ZNRF3: variants seen among roughly 807,000 people sequenced by gnomAD.
ZNRF3 encodes zinc and ring finger 3.
In ZNRF3, 23 loss-of-function variants were observed where a neutral mutation model predicts 72.5. The ratio of observed to expected loss-of-function variants is 0.32; its 90% CI spans 0.23 to 0.45. The LOEUF is 0.45. ZNRF3 is among the 20% of genes least tolerant of loss of function. The probability of loss-of-function intolerance (pLI) is 1.00; values close to 1 mark genes in which losing one functional copy is unlikely to be tolerated. For synonymous variants in ZNRF3, 610 were observed against 545.3 expected, an observed-to-expected ratio of 1.12 and a Z score of -1.65; for missense variants, 1,169 against 1,272.1, an observed-to-expected ratio of 0.92 and a Z score of 1.23.
intron 1 of ZNRF3, among the ~76,000 whole-genome samples, chr22:28,939,065 G>A (rs191176373): frequency 4.6e-5 from 7 of 152,174 alleles, no homozygotes; most frequent in African/African-American, 7.2e-5. Flanking sequence ...CTAGCAGATC[G>A]CTTGAGGCCA....
rs188576936 is a variant in ZNRF3 at position 28,948,414 on chromosome 22, C to G, written c.301-38662C>G. Among the ~76,000 whole-genome samples the G allele has an allele frequency of 4.1e-4, 63 of 152,340 alleles. No homozygotes were observed. The East Asian group carries it at 0.012, about 29-fold the overall frequency. On this transcript the variant is annotated intron_variant, in intron 1 of 8. Coordinates refer to ENST00000544604, the MANE Select transcript of ZNRF3 (RefSeq NM_001206998.2). ...CTCTTGGCTTCAAGTGATCCTCCCACCTTGGCCTCCCAAAGTGCTGGGATT... is the reference window on the plus strand; with the variant it reads ...CTCTTGGCTTCAAGTGATCCTCCCAGCTTGGCCTCCCAAAGTGCTGGGATT...
chr22:29,027,501 G>C (rs2036662166), intron 2 of ZNRF3, among the ~76,000 whole-genome samples: 1 of 151,924 alleles, frequency 6.6e-6, no homozygotes, highest in African/African-American at 2.4e-5. Flanking sequence ...TGCCCGCCTC[G>C]GCCTCTTGAA....
In ZNRF3 at chr22:29,052,562, G is replaced by A. The variant is rs185825386; in HGVS notation, c.2768-1017G>A. ...ATGAAAATTAGCCGGGCGTGGTGGC[G>A]TGTGCCTGTAGTTCTACCTACTCGG... On this transcript the variant is annotated intron_variant, in intron 8 of 8. Coordinates refer to ENST00000544604, the MANE Select transcript of ZNRF3 (RefSeq NM_001206998.2). Among the ~76,000 whole-genome samples, 838 of 152,198 alleles carry A rather than the reference G, an allele frequency of 5.5e-3. 7 individuals carry two copies. Among genetic ancestry groups the A allele is most frequent in the African/African-American group, 0.019 (801 of 41,502 alleles).
chr22:29,041,221 C>T (rs1464818695), intron 2 of ZNRF3, among the ~76,000 whole-genome samples: 2 of 152,158 alleles, frequency 1.3e-5, no homozygotes, highest in Non-Finnish European at 2.9e-5. Context: ...AATCACAACC[C>T]AACCTCTACC....
At chr22:28,958,365 T>C (rs1361143876) in intron 1 of ZNRF3, among the ~76,000 whole-genome samples, 1 of 152,208 alleles carries the variant, frequency 6.6e-6, no homozygotes, top group Non-Finnish European at 1.5e-5. Context: ...TGGAGATGGA[T>C]AAAACAGTTG....
At chr22:28,987,783 G>GCC (rs2035882917) in intron 2 of ZNRF3, among the ~76,000 whole-genome samples, 1 of 151,976 alleles carries the variant, frequency 6.6e-6, no homozygotes, top group African/African-American at 2.4e-5. Context: ...TTGCTGCCAA[G>GCC]TAAGTTATGG....
At chr22:28,969,563 C>G (rs1163292723) in intron 1 of ZNRF3, among the ~76,000 whole-genome samples, 5 of 152,046 alleles carry the variant, frequency 3.3e-5, no homozygotes, top group Non-Finnish European at 7.4e-5. Context: ...GGAGGAACAG[C>G]AGGGAGGCCA....
intron 1 of ZNRF3, among the ~76,000 whole-genome samples, chr22:28,962,539 C>T (rs1219075932): frequency 6.6e-6 from 1 of 152,206 alleles, no homozygotes; most frequent in Non-Finnish European, 1.5e-5. Context: ...AGAGGTGCTA[C>T]AGGCAGGCCA....
intron 1 of ZNRF3, among the ~76,000 whole-genome samples, chr22:28,889,110 G>A (rs559551410): frequency 5.3e-4 from 80 of 150,788 alleles, no homozygotes; most frequent in African/African-American, 1.9e-3. Context: ...GCGAGACCCC[G>A]TCTCAAAAAA....
chr22:29,003,294 A>G (rs1259959202), intron 2 of ZNRF3, among the ~76,000 whole-genome samples: 1 of 152,136 alleles, frequency 6.6e-6, no homozygotes, highest in African/African-American at 2.4e-5. Context: ...AGGTGGGCGG[A>G]TCACGAGGGC....
intron 1 of ZNRF3, among the ~76,000 whole-genome samples, chr22:28,915,437 G>A (rs1232726688): frequency 1.3e-5 from 2 of 152,108 alleles, no homozygotes; most frequent in South Asian, 2.1e-4. Context: ...GGTACTGGGG[G>A]TTAGGACCTT....
chr22:29,051,060 C>A, intron 8 of ZNRF3, 112 bp downstream of exon 8: 1 of 1,229,562 alleles, frequency 8.1e-7, no homozygotes, highest in Non-Finnish European at 1.1e-6. Context: ...GTTTTAAACA[C>A]CATCTGAGGC....
chr22:29,031,825 G>A (rs746048346), intron 2 of ZNRF3, among the ~76,000 whole-genome samples: 2 of 152,198 alleles, frequency 1.3e-5, no homozygotes, highest in African/African-American at 2.4e-5. Flanking sequence ...CACAGGAGCA[G>A]GCCTGGTGGC....
chr22:28,996,809 A>T (rs941094463), intron 2 of ZNRF3, among the ~76,000 whole-genome samples: 36 of 152,216 alleles, frequency 2.4e-4, no homozygotes, highest in African/African-American at 8.7e-4. Context: ...TTGGGATATA[A>T]CCTTCAACCT....
At chr22:28,973,304 C>A (rs530679304) in intron 1 of ZNRF3, among the ~76,000 whole-genome samples, 3 of 152,182 alleles carry the variant, frequency 2.0e-5, no homozygotes, top group South Asian at 4.1e-4. Flanking sequence ...TTGATGGTAT[C>A]CTTTATAGCA....
At chr22:28,934,443 C>T (rs890386342) in intron 1 of ZNRF3, among the ~76,000 whole-genome samples, 3 of 152,110 alleles carry the variant, frequency 2.0e-5, no homozygotes, top group Admixed American at 2.0e-4. Flanking sequence ...CCCTGTTTCC[C>T]CTGAATGTTG....
intron 2 of ZNRF3, among the ~76,000 whole-genome samples, chr22:29,020,163 T>C (rs1301816582): frequency 6.6e-6 from 1 of 152,002 alleles, no homozygotes; most frequent in Non-Finnish European, 1.5e-5. Flanking sequence ...GTAAGTACTA[T>C]GTATTAATAA....
intron 2 of ZNRF3, among the ~76,000 whole-genome samples, chr22:29,021,743 C>G (rs1328949485): frequency 6.6e-6 from 1 of 152,154 alleles, no homozygotes; most frequent in Non-Finnish European, 1.5e-5. Flanking sequence ...CCACCTCGAC[C>G]TCCCAAAGTG....
intron 2 of ZNRF3, among the ~76,000 whole-genome samples, chr22:29,041,080 A>G (rs1484623548): frequency 6.6e-6 from 1 of 152,212 alleles, no homozygotes; most frequent in East Asian, 1.9e-4. Context: ...ATACATACAC[A>G]CATTAGAAGT....
Sources: allele counts gnomAD v4.1 joint callset (sites outside exome capture counted in the v4.1 genomes callset), GRCh38; gene constraint gnomAD v4.1.1; transcripts MANE v1.5; gene names NCBI Gene and HGNC (gene_info 2026-07-23, HGNC 2026-07-21).